The following NHEJ1 variants were observed in gnomAD, a reference collection of about 807,000 sequenced individuals.
The protein encoded by NHEJ1 is non-homologous end-joining factor 1.
Under a neutral mutation model 39.4 loss-of-function variants are expected in NHEJ1, and 22 were observed. That is an observed-to-expected ratio of 0.56 (90% CI 0.40 to 0.80). The LOEUF is 0.80. NHEJ1 is among the 30% of genes least tolerant of loss of function. The probability of loss-of-function intolerance (pLI) is 0.00; values close to 1 mark genes in which losing one functional copy is unlikely to be tolerated. For synonymous variants in NHEJ1, 154 were observed against 135.6 expected, an observed-to-expected ratio of 1.14 and a Z score of -0.94; for missense variants, 329 against 357.1, an observed-to-expected ratio of 0.92 and a Z score of 0.63.
intron 5 of NHEJ1, among the ~76,000 whole-genome samples, chr2:219,122,337 C>T (rs1949479448): frequency 6.6e-6 from 1 of 152,220 alleles, no homozygotes; most frequent in African/African-American, 2.4e-5. Flanking sequence ...GTCTTTATTA[C>T]AGCACTCTTA....
intron 5 of NHEJ1, among the ~76,000 whole-genome samples, chr2:219,086,651 A>T (rs1349493715): frequency 6.6e-6 from 1 of 152,172 alleles, no homozygotes; most frequent in East Asian, 1.9e-4. Context: ...TCTCCTTTTA[A>T]AATAAGTACA....
chr2:219,117,585 A>G (rs891255132), intron 5 of NHEJ1, among the ~76,000 whole-genome samples: 2 of 152,350 alleles, frequency 1.3e-5, no homozygotes, highest in South Asian at 2.1e-4. Context: ...GAAATGTGAA[A>G]TTTTAAATAA....
intron 5 of NHEJ1, among the ~76,000 whole-genome samples, chr2:219,110,993 T>C (rs187181386): frequency 6.6e-6 from 1 of 152,260 alleles, no homozygotes; most frequent in African/African-American, 2.4e-5. Flanking sequence ...AAAAGGGACA[T>C]GGGTAGATAA....
chr2:219,154,440 T>C (rs1265372067), intron 3 of NHEJ1, among the ~76,000 whole-genome samples: 1 of 152,208 alleles, frequency 6.6e-6, no homozygotes, highest in Non-Finnish European at 1.5e-5. Context: ...TACACTTAAA[T>C]GCTGTTTGAA....
At chr2:219,079,674 G>A (rs1309820415) in intron 5 of NHEJ1, among the ~76,000 whole-genome samples, 1 of 152,148 alleles carries the variant, frequency 6.6e-6, no homozygotes, top group East Asian at 1.9e-4. Flanking sequence ...ATTCCCTGAG[G>A]AATGAACTGA....
chr2:219,088,379 G>C (rs1366569270), intron 5 of NHEJ1, among the ~76,000 whole-genome samples: 1 of 152,078 alleles, frequency 6.6e-6, no homozygotes, highest in Non-Finnish European at 1.5e-5. Flanking sequence ...TCTAATCCCA[G>C]CACTTTGGGA....
intron 5 of NHEJ1, among the ~76,000 whole-genome samples, chr2:219,145,360 G>A (rs1949726133): frequency 1.3e-5 from 2 of 151,978 alleles, no homozygotes; most frequent in South Asian, 4.2e-4. Flanking sequence ...CACATTTTTT[G>A]CTTTTAGTGT....
chr2:219,106,662 G>C (rs181354706), intron 5 of NHEJ1, among the ~76,000 whole-genome samples: 1 of 152,158 alleles, frequency 6.6e-6, no homozygotes, highest in African/African-American at 2.4e-5. Context: ...CTAATACAAA[G>C]AGCCTATGCT....
intron 5 of NHEJ1, among the ~76,000 whole-genome samples, chr2:219,084,420 T>C (rs1442954628): frequency 6.6e-6 from 1 of 152,202 alleles, no homozygotes; most frequent in Non-Finnish European, 1.5e-5. Flanking sequence ...TATCTAGTAA[T>C]ACAGTGACCA....
At chr2:219,127,572 C>G (rs575401435) in intron 5 of NHEJ1, among the ~76,000 whole-genome samples, 1 of 152,210 alleles carries the variant, frequency 6.6e-6, no homozygotes, top group Non-Finnish European at 1.5e-5. Context: ...TTAAATTCCA[C>G]CAACTCTGCC....
Position 219,074,496 on chromosome 2 carries a change from C to T in NHEJ1, c.*1885G>A, listed in dbSNP as rs1948993771. ...CAGTGGCTCAAACGTGTAATCCCAG[C>T]ACTTTGGGAGGCCGAGGCAGGTAGA... On this transcript the variant is annotated 3_prime_UTR_variant, in exon 8 of 8. Transcript: ENST00000356853. Among the ~76,000 whole-genome samples, 1 of 152,144 alleles carries T rather than the reference C, an allele frequency of 6.6e-6. No individual in the cohort carries two copies. The highest frequency in any genetic ancestry group is 6.6e-5 in the Admixed American group (1 of 15,266).
intron 5 of NHEJ1, among the ~76,000 whole-genome samples, chr2:219,131,214 A>T (rs1337219828): frequency 6.6e-6 from 1 of 152,084 alleles, no homozygotes; most frequent in Non-Finnish European, 1.5e-5. Context: ...GAATTGAAAG[A>T]CCCTGCATGG....
In NHEJ1 at chr2:219,159,578, T is replaced by TATGC. The variant is rs1949904910; in HGVS notation, c.-1+1141_-1+1142insGCAT. ...ATATATATATGCATATATATATGCA[T>TATGC]ATATATATGCATATATATATATGCA... On this transcript the variant is annotated intron_variant, in intron 1 of 7. Coordinates refer to ENST00000356853, the MANE Select transcript of NHEJ1 (RefSeq NM_024782.3). Among the ~76,000 whole-genome samples, 118 of 56,332 alleles carry TATGC rather than the reference T, an allele frequency of 2.1e-3. 9 individuals are homozygous for TATGC. The highest frequency in any genetic ancestry group is 5.1e-3 in the South Asian group (8 of 1,572). The allele number at this position is 56,332 out of a possible 152,430, so 37.0% of individuals were successfully genotyped here.
chr2:219,158,288 G>A lies in NHEJ1; in HGVS notation c.75C>T (p.Ala25=), dbSNP rs1949876957. The stretch of plus-strand genomic sequence containing the variant: ...AGCCCTGCTTGGTGATAAAAACCTT[G>A]GCCAAGAGGGAGTTCTCTGCAAGCT... The part of the protein sequence containing the change: ...WLQLAENSLL[A]KVFITKQGYA... Residue 25 remains alanine, a synonymous_variant, in exon 2 of 8, where the codon GCC becomes GCT. Transcript: ENST00000356853. 1.2e-6 allele frequency: 2 copies of A among 1,614,108 alleles called. No homozygotes were observed. Among genetic ancestry groups the A allele is most frequent in the Non-Finnish European group, 1.7e-6 (2 of 1,180,018 alleles).
chr2:219,077,607 GTTC>G lies in NHEJ1; in HGVS notation c.707-246_707-244del. Among the ~76,000 whole-genome samples, 3 of 151,898 alleles carry G rather than the reference GTTC, an allele frequency of 2.0e-5. 1 individual carries two copies. The East Asian group carries it at 5.8e-4, about 29-fold the overall frequency. ...TTTCCTCGACTCAAAACAGCCAGCT[GTTC>G]TTCTACATATTCCCTCACATGTCTC... On this transcript the variant is annotated intron_variant, in intron 6 of 7. Transcript: ENST00000356853.
intron 5 of NHEJ1, among the ~76,000 whole-genome samples, chr2:219,130,532 T>C (rs566614153): frequency 2.6e-5 from 4 of 152,256 alleles, no homozygotes; most frequent in African/African-American, 9.6e-5. Context: ...TTTCCCTCCT[T>C]CTCTGGCTGA....
At chr2:219,142,226 G>C (rs1366031749) in intron 5 of NHEJ1, among the ~76,000 whole-genome samples, 1 of 152,204 alleles carries the variant, frequency 6.6e-6, no homozygotes, top group Non-Finnish European at 1.5e-5. Context: ...GAAGAGAAGA[G>C]AAGAGGAGAG....
At position 219,153,694 on chromosome 2, in the gene NHEJ1, G is replaced by C. The variant is rs989099423; in HGVS notation, c.390+3778C>G. Reference sequence around the variant, plus strand: ...ATCTCAAAAGAAAAAGAAAGAAAAGGGGGGGGGGGTGGAGAGAGAGAGAGA... The same window carrying C: ...ATCTCAAAAGAAAAAGAAAGAAAAGCGGGGGGGGGTGGAGAGAGAGAGAGA... On this transcript the variant is annotated intron_variant, in intron 3 of 7. Coordinates refer to ENST00000356853, the MANE Select transcript of NHEJ1 (RefSeq NM_024782.3). Among the ~76,000 whole-genome samples, 11 of 67,272 alleles carry C rather than the reference G, an allele frequency of 1.6e-4. No individual in the cohort carries two copies. In the East Asian group the frequency reaches 4.2e-3, roughly 26 times the overall value. The allele number at this position is 67,272 out of a possible 152,430, so 44.1% of individuals were successfully genotyped here.
intron 5 of NHEJ1, among the ~76,000 whole-genome samples, chr2:219,146,475 C>T (rs1030133688): frequency 5.9e-5 from 9 of 152,178 alleles, no homozygotes; most frequent in Non-Finnish European, 1.0e-4. Context: ...CAGTCCACTT[C>T]CGCCTCTTAC....
Sources: gnomAD v4.1 joint callset for allele counts (sites outside exome capture counted in the v4.1 genomes callset) on GRCh38, gnomAD v4.1.1 for gene constraint, MANE v1.5 for transcripts, NCBI Gene and HGNC (gene_info 2026-07-23, HGNC 2026-07-21) for gene names.